The following TLL1 variants were observed in gnomAD, a reference collection of about 807,000 sequenced individuals.
TLL1 encodes the protein tolloid-like protein 1.
A neutral mutation model predicts 128.2 loss-of-function variants in TLL1; 49 were observed. The ratio of observed to expected loss-of-function variants is 0.38; its 90% CI spans 0.30 to 0.48. The LOEUF (loss-of-function observed/expected upper bound fraction) is 0.48, where lower values mean the gene tolerates loss of function less well. Ranked by LOEUF, TLL1 falls within the 20% of genes least tolerant of loss-of-function variation. TLL1 has a pLI of 0.96. For synonymous variants in TLL1, 454 were observed against 418.8 expected (o/e 1.08, Z -1.03); for missense variants, 1,123 against 1,242.0 (o/e 0.90, Z 1.44).
At chr4:165,982,111 G>T (rs962860527) in intron 1 of TLL1, among the ~76,000 whole-genome samples, 8 of 151,986 alleles carry the variant, frequency 5.3e-5, no homozygotes, top group African/African-American at 1.9e-4. Context: ...GACAATAAGA[G>T]AATGGGAAGT....
At chr4:166,024,819 A>T (rs1321197999) in intron 8 of TLL1, among the ~76,000 whole-genome samples, 1 of 152,048 alleles carries the variant, frequency 6.6e-6, no homozygotes, top group African/African-American at 2.4e-5. Context: ...TTTTGAAAAA[A>T]AAGTTTATTG....
intron 19 of TLL1, among the ~76,000 whole-genome samples, chr4:166,092,549 C>G (rs1741821311): frequency 6.6e-6 from 1 of 152,042 alleles, no homozygotes; most frequent in Admixed American, 6.6e-5. Flanking sequence ...TTTCTTATAA[C>G]TTGTCACCTA....
chr4:165,991,216 T>A (rs1736623817), intron 2 of TLL1, among the ~76,000 whole-genome samples: 1 of 152,084 alleles, frequency 6.6e-6, no homozygotes, highest in Admixed American at 6.6e-5. Flanking sequence ...TCTGAGACCA[T>A]AATAATTGGA....
intron 1 of TLL1, among the ~76,000 whole-genome samples, chr4:165,940,477 G>A (rs999549840): frequency 5.3e-5 from 8 of 151,666 alleles, no homozygotes; most frequent in East Asian, 1.9e-4. Flanking sequence ...AAATACATAC[G>A]TGTATTTATA....
intron 15 of TLL1, among the ~76,000 whole-genome samples, chr4:166,064,424 G>A (rs1417954422): frequency 6.6e-6 from 1 of 152,000 alleles, no homozygotes; most frequent in East Asian, 1.9e-4. Context: ...ATATAATTGA[G>A]GTATTGTGTT....
At chr4:166,086,383 G>A (rs1202928160) in intron 18 of TLL1, among the ~76,000 whole-genome samples, 1 of 152,184 alleles carries the variant, frequency 6.6e-6, no homozygotes, top group South Asian at 2.1e-4. Flanking sequence ...ATATCTCATA[G>A]TATGAGGGAG....
chr4:166,014,584 A>T, intron 8 of TLL1, 24 bp downstream of exon 8: 1 of 1,610,278 alleles, frequency 6.2e-7, no homozygotes, highest in Non-Finnish European at 8.5e-7. Context: ...CAAACACAAG[A>T]GCATGACTGT....
At chr4:165,876,777 C>G (rs924116399) in intron 1 of TLL1, among the ~76,000 whole-genome samples, 5 of 152,170 alleles carry the variant, frequency 3.3e-5, no homozygotes, top group African/African-American at 1.2e-4. Context: ...CTTAGTTGGC[C>G]TTTTGGAGGC....
At chr4:165,977,906 TG>T (rs1281721820) in intron 1 of TLL1, among the ~76,000 whole-genome samples, 7 of 152,194 alleles carry the variant, frequency 4.6e-5, no homozygotes, top group Non-Finnish European at 8.8e-5. Context: ...TATATATGTT[TG>T]CAAAATAGAT....
At chr4:166,053,596 T>G (rs561569204) in intron 12 of TLL1, among the ~76,000 whole-genome samples, 2 of 152,306 alleles carry the variant, frequency 1.3e-5, no homozygotes, top group Admixed American at 6.5e-5. Context: ...TTTGTCTTTA[T>G]ACTACCTCAT....
intron 1 of TLL1, among the ~76,000 whole-genome samples, chr4:165,907,202 G>A (rs1732301169): frequency 6.6e-6 from 1 of 152,086 alleles, no homozygotes. Context: ...ATATTTAAGA[G>A]TATGTCATAG....
At chr4:166,085,796 A>T (rs538309328) in intron 18 of TLL1, among the ~76,000 whole-genome samples, 5 of 152,126 alleles carry the variant, frequency 3.3e-5, no homozygotes, top group Non-Finnish European at 7.4e-5. Flanking sequence ...CAAGATTTCT[A>T]CATGTTCCCT....
intron 1 of TLL1, among the ~76,000 whole-genome samples, chr4:165,951,110 CTA>C (rs1734493052): frequency 6.6e-6 from 1 of 152,008 alleles, no homozygotes; most frequent in Admixed American, 6.6e-5. Flanking sequence ...AAATGGAAAA[CTA>C]TGAAAGTTCT....
chr4:165,989,550 T>C, intron 2 of TLL1, 59 bp downstream of exon 2: 2 of 1,241,056 alleles, frequency 1.6e-6, no homozygotes, highest in Non-Finnish European at 2.4e-6. Context: ...ACTCTTGAAG[T>C]GCTATAAATA....
intron 9 of TLL1, among the ~76,000 whole-genome samples, chr4:166,038,024 T>C (rs1393858046): frequency 6.6e-6 from 1 of 152,128 alleles, no homozygotes; most frequent in Non-Finnish European, 1.5e-5. Flanking sequence ...TTTATAGTTA[T>C]CCTGTGTCAT....
At chr4:165,920,113 C>A (rs184541052) in intron 1 of TLL1, among the ~76,000 whole-genome samples, 117 of 152,274 alleles carry the variant, frequency 7.7e-4, no homozygotes, top group Non-Finnish European at 1.2e-3. Flanking sequence ...AAATGCCATG[C>A]GTCTCCTGTG....
chr4:166,027,398 A>G (rs1738554071), intron 9 of TLL1, among the ~76,000 whole-genome samples: 1 of 152,192 alleles, frequency 6.6e-6, no homozygotes, highest in African/African-American at 2.4e-5. Context: ...TCTTGATGAT[A>G]ACTGAATGGT....
At chr4:165,989,932 G>T (rs1736562268) in intron 2 of TLL1, among the ~76,000 whole-genome samples, 1 of 151,702 alleles carries the variant, frequency 6.6e-6, no homozygotes, top group Non-Finnish European at 1.5e-5. Flanking sequence ...ATATTAAGTT[G>T]CCTCTCATTT....
chr4:165,998,409 A>C lies in TLL1; in HGVS notation c.632+3231A>C, dbSNP rs1736985064. ...ATTGCCAAAAAAGTAAATAAACAAA[A>C]AAATTACAGTTAACCTGTTTCACTA... On this transcript the variant is annotated intron_variant, in intron 5 of 20. Transcript: ENST00000061240. Among the ~76,000 whole-genome samples, 3 of 152,200 alleles carry C rather than the reference A, an allele frequency of 2.0e-5. No individual in the cohort carries two copies. In the South Asian group the frequency reaches 6.2e-4, roughly 31 times the overall value.
Sources: allele counts gnomAD v4.1 joint callset (sites outside exome capture counted in the v4.1 genomes callset), GRCh38; gene constraint gnomAD v4.1.1; transcripts MANE v1.5; gene names NCBI Gene and HGNC (gene_info 2026-07-23, HGNC 2026-07-21).